METTL21A: variants seen among roughly 807,000 people sequenced by gnomAD.
METTL21A encodes methyltransferase 21A, HSPA lysine.
A neutral mutation model predicts 20.9 loss-of-function variants in METTL21A; 22 were observed. The ratio of observed to expected loss-of-function variants is 1.05; its 90% CI spans 0.75 to 1.50. The LOEUF (loss-of-function observed/expected upper bound fraction) is 1.50. Among genes scored for constraint, METTL21A ranks in the 40% most tolerant of loss-of-function variants. The pLI is 0.00. For synonymous variants in METTL21A, 93 were observed against 102.0 expected (o/e 0.91, Z 0.53); for missense variants, 271 against 266.8 (o/e 1.02, Z -0.11).
chr2:207,624,237 A>G, exon 2 of METTL21A: 1 of 1,605,514 alleles, frequency 6.2e-7, no homozygotes, highest in South Asian at 1.1e-5. Flanking sequence ...ACCGCATCCC[A>G]AACCACCGCT....
At chr2:207,598,100 G>GA (rs2106636827) in intron 3 of METTL21A, 1 of 180,338 alleles carries the variant, frequency 5.5e-6, no homozygotes, top group South Asian at 2.0e-4. Context: ...GTTACATGTA[G>GA]AAAAATACTG....
At chr2:207,622,363 G>T (rs1474558799) in intron 2 of METTL21A, among the ~76,000 whole-genome samples, 1 of 151,958 alleles carries the variant, frequency 6.6e-6, no homozygotes, top group African/African-American at 2.4e-5. Flanking sequence ...TAGAGATGGG[G>T]TTTTGCCATG....
chr2:207,581,856 T>C (rs532792411), exon 4 of METTL21A: 1 of 702,970 alleles, frequency 1.4e-6, no homozygotes, highest in South Asian at 1.5e-5. Flanking sequence ...TGAAAGTTTG[T>C]TTCCTTGTCT....
intron 3 of METTL21A, among the ~76,000 whole-genome samples, chr2:207,596,342 A>C (rs977545343): frequency 2.0e-5 from 3 of 152,248 alleles, no homozygotes; most frequent in African/African-American, 7.2e-5. Flanking sequence ...ATAGAATTTC[A>C]AGTTTTGCAG....
At chr2:207,615,028 G>C (rs1305363605) in intron 3 of METTL21A, among the ~76,000 whole-genome samples, 2 of 152,080 alleles carry the variant, frequency 1.3e-5, no homozygotes, top group Non-Finnish European at 2.9e-5. Flanking sequence ...AATTCAATTT[G>C]ACATTTACAG....
At position 207,584,654 on chromosome 2, in the gene METTL21A, G is replaced by A. The variant is rs980022501; in HGVS notation, c.260-2494C>T. 5.9e-5 allele frequency among the ~76,000 whole-genome samples: 9 copies of A among 152,002 alleles called. No homozygotes were observed. The South Asian group carries it at 6.2e-4, about 11-fold the overall frequency. The stretch of plus-strand genomic sequence containing the variant: ...TGACCTCAGATGATCCACCCACCTC[G>A]GCCTCCCAAAATGCTGGGATTACAG... On this transcript the variant is annotated intron_variant, in intron 3 of 3. Transcript: ENST00000425132.
At chr2:207,623,589 C>T (rs2090766744) in intron 2 of METTL21A, among the ~76,000 whole-genome samples, 2 of 152,200 alleles carry the variant, frequency 1.3e-5, no homozygotes, top group South Asian at 2.1e-4. Context: ...CTGTGGCTCA[C>T]GCCTGTAATC....
chr2:207,604,881 A>G (rs756805074), downstream of METTL21A, among the ~76,000 whole-genome samples: 1 of 152,180 alleles, frequency 6.6e-6, no homozygotes, highest in Non-Finnish European at 1.5e-5. Flanking sequence ...AGGTTGATCC[A>G]TTGTAACATG....
intron 3 of METTL21A, among the ~76,000 whole-genome samples, chr2:207,596,008 T>C (rs772599410): frequency 3.3e-5 from 5 of 152,256 alleles, no homozygotes; most frequent in Non-Finnish European, 7.3e-5. Flanking sequence ...CTATTTTTGC[T>C]TTTGTTACCT....
intron 3 of METTL21A, chr2:207,601,930 A>C: frequency 9.5e-6 from 2 of 211,388 alleles, no homozygotes; most frequent in Non-Finnish European, 1.9e-5. Context: ...CTACACAGTC[A>C]CTGTATGTAC....
intron 3 of METTL21A, among the ~76,000 whole-genome samples, chr2:207,590,323 G>C (rs554414366): frequency 2.0e-5 from 3 of 151,396 alleles, no homozygotes; most frequent in African/African-American, 4.8e-5. Context: ...CTCTCTCTCT[G>C]TATTCGCCAC....
At chr2:207,588,136 C>CTTA (rs386392425) in intron 3 of METTL21A, among the ~76,000 whole-genome samples, 1 of 9,860 alleles carries the variant, frequency 1.0e-4, no homozygotes, top group East Asian at 0.025. Context: ...ATCACACAGA[C>CTTA]TTCGTTTTCC....
At chr2:207,582,133 C>G in exon 4 of METTL21A, 1 of 702,872 alleles carries the variant, frequency 1.4e-6, no homozygotes, top group South Asian at 1.5e-5. Context: ...AGCCCATATT[C>G]AAGGGGAGGA....
intron 2 of METTL21A, among the ~76,000 whole-genome samples, chr2:207,622,916 T>C (rs2090666844): frequency 6.6e-5 from 10 of 152,090 alleles, no homozygotes; most frequent in Admixed American, 6.5e-4. Flanking sequence ...TTTATCTTTT[T>C]TTTTTTTTTG....
exon 4 of METTL21A, chr2:207,581,777 C>T: frequency 1.5e-6 from 1 of 682,590 alleles, no homozygotes; most frequent in Admixed American, 2.2e-5. Context: ...TTTTATTTCC[C>T]CAGTTTTTTT....
At chr2:207,606,703 C>CAAAT (rs957822077), downstream of METTL21A, among the ~76,000 whole-genome samples, 9 of 152,218 alleles carry the variant, frequency 5.9e-5, no homozygotes, top group African/African-American at 1.7e-4. Flanking sequence ...AACACTAACA[C>CAAAT]AAATTACAAG....
At chr2:207,618,162 C>G (rs983965172) in intron 3 of METTL21A, among the ~76,000 whole-genome samples, 1 of 152,168 alleles carries the variant, frequency 6.6e-6, no homozygotes, top group Admixed American at 6.5e-5. Flanking sequence ...GGCTGGGCAT[C>G]AAATCACATG....
intron 3 of METTL21A, among the ~76,000 whole-genome samples, chr2:207,619,173 C>CT (rs5838081): frequency 1.3e-4 from 18 of 133,972 alleles, no homozygotes; most frequent in African/African-American, 2.0e-4. Flanking sequence ...CATAGCACCG[C>CT]TTTTTTTTTT....
At chr2:207,612,893 CTTTGT>C in exon 4 of METTL21A, 1 of 717,024 alleles carries the variant, frequency 1.4e-6, no homozygotes, top group South Asian at 2.3e-5. Context: ...CAAAGCACTG[CTTTGT>C]TTTAAAACTG....
Sources: allele counts gnomAD v4.1 joint callset (sites outside exome capture counted in the v4.1 genomes callset), GRCh38; gene constraint gnomAD v4.1.1; transcripts MANE v1.5; gene names NCBI Gene and HGNC (gene_info 2026-07-23, HGNC 2026-07-21).